Variants in EVI5 observed in about 807,000 individuals in gnomAD.
EVI5 encodes the protein ecotropic viral integration site 5 protein homolog.
EVI5 carries 73 observed loss-of-function variants against 112.0 expected under a neutral mutation model. The ratio of observed to expected loss-of-function variants is 0.65; its 90% confidence interval spans 0.54 to 0.79. The LOEUF is 0.79. Among genes scored for constraint, EVI5 ranks in the 30% least tolerant of loss-of-function variants. EVI5 has a pLI of 0.00. For synonymous variants in EVI5, 305 were observed against 319.9 expected (o/e 0.95, Z 0.50); for missense variants, 900 against 968.8 (o/e 0.93, Z 0.94).
At chr1:92,656,349 A>G (rs1050225576) in intron 13 of EVI5, among the ~76,000 whole-genome samples, 7 of 152,112 alleles carry the variant, frequency 4.6e-5, no homozygotes, top group African/African-American at 1.2e-4. Flanking sequence ...GAAACAAATG[A>G]ACATGGAGAC....
At chr1:92,581,876 CCCT>C (rs1203779194) in intron 18 of EVI5, among the ~76,000 whole-genome samples, 2 of 152,142 alleles carry the variant, frequency 1.3e-5, no homozygotes, top group Non-Finnish European at 2.9e-5. Context: ...ACTATTTTCT[CCCT>C]CCTAAAATTC....
At chr1:92,582,929 T>C (rs560592505) in intron 18 of EVI5, among the ~76,000 whole-genome samples, 21 of 152,276 alleles carry the variant, frequency 1.4e-4, no homozygotes, top group African/African-American at 5.1e-4. Flanking sequence ...TTTGACAGGA[T>C]CACTGCAGCC....
At chr1:92,590,705 G>T (rs1371621008) in intron 18 of EVI5, among the ~76,000 whole-genome samples, 4 of 152,168 alleles carry the variant, frequency 2.6e-5, no homozygotes, top group African/African-American at 9.7e-5. Context: ...TACTATCCAG[G>T]AGAACTTTCC....
At chr1:92,744,244 C>T (rs563031623) in intron 1 of EVI5, among the ~76,000 whole-genome samples, 1 of 152,110 alleles carries the variant, frequency 6.6e-6, no homozygotes, top group Non-Finnish European at 1.5e-5. Context: ...TTAATCTTGG[C>T]GAATGTTCCA....
intron 9 of EVI5, among the ~76,000 whole-genome samples, chr1:92,687,642 C>T (rs183053635): frequency 2.1e-3 from 326 of 152,286 alleles, no homozygotes; most frequent in African/African-American, 7.4e-3. Context: ...ATCTACCCAT[C>T]TGACAAAGGG....
intron 19 of EVI5, among the ~76,000 whole-genome samples, chr1:92,547,137 T>C (rs540766712): frequency 6.6e-6 from 1 of 152,282 alleles, no homozygotes; most frequent in Admixed American, 6.5e-5. Flanking sequence ...ATAGAAATTA[T>C]AACAAACTGT....
At chr1:92,624,100 G>C in intron 16 of EVI5, 76 bp downstream of exon 16, 1 of 1,289,768 alleles carries the variant, frequency 7.8e-7, no homozygotes, top group Non-Finnish European at 1.1e-6. Context: ...CTCTGTTCTA[G>C]GGATGATACA....
intron 1 of EVI5, chr1:92,756,483 TA>T: frequency 1.9e-6 from 1 of 538,378 alleles, no homozygotes; most frequent in Non-Finnish European, 3.8e-6. Context: ...CCTACAAGAC[TA>T]CATCATTACA....
At chr1:92,733,110 A>C (rs970819916) in intron 2 of EVI5, 2 of 223,442 alleles carry the variant, frequency 9.0e-6, no homozygotes, top group Non-Finnish European at 2.0e-5. Context: ...GTTGTGTCAC[A>C]TTACTTCAGG....
intron 19 of EVI5, among the ~76,000 whole-genome samples, chr1:92,544,926 C>CA (rs1363382044): frequency 6.6e-6 from 1 of 152,148 alleles, no homozygotes; most frequent in African/African-American, 2.4e-5. Flanking sequence ...AGACAGGCAG[C>CA]AAAGTAGCAC....
At chr1:92,711,654 C>CA (rs1302500573) in intron 2 of EVI5, among the ~76,000 whole-genome samples, 1 of 151,136 alleles carries the variant, frequency 6.6e-6, no homozygotes, top group Admixed American at 6.6e-5. Context: ...GACCCTGTTT[C>CA]AAAAAAAAGG....
chr1:92,712,016 T>C lies in EVI5; in HGVS notation c.150-7272A>G, dbSNP rs144749043. Among the ~76,000 whole-genome samples, 137 of 152,276 alleles carry C rather than the reference T, an allele frequency of 9.0e-4. No homozygotes were observed. In the South Asian group the frequency reaches 0.012, roughly 14 times the overall value. On this transcript the variant is annotated intron_variant, in intron 2 of 19. Transcript: ENST00000684568. ...GCAAAGGACTCCCTCAAGCCTCTTA[T>C]AACCACACTAATCCCATTTATGAGG...
At chr1:92,728,420 G>A (rs895887382) in intron 2 of EVI5, among the ~76,000 whole-genome samples, 2 of 146,606 alleles carry the variant, frequency 1.4e-5, no homozygotes, top group Admixed American at 6.9e-5. Context: ...TCGCTCTGTC[G>A]CCCAGGCTAG....
At chr1:92,677,722 G>A (rs377142406) in intron 9 of EVI5, among the ~76,000 whole-genome samples, 1 of 152,126 alleles carries the variant, frequency 6.6e-6, no homozygotes, top group African/African-American at 2.4e-5. Flanking sequence ...TAACTACTGC[G>A]GGAGGAACCA....
intron 16 of EVI5, among the ~76,000 whole-genome samples, chr1:92,612,197 T>C (rs1462217622): frequency 1.3e-5 from 2 of 150,140 alleles, no homozygotes; most frequent in East Asian, 2.0e-4. Context: ...TAGCAAACAT[T>C]AATAGAAAAC....
At chr1:92,623,509 T>C (rs1655012351) in intron 16 of EVI5, among the ~76,000 whole-genome samples, 1 of 152,218 alleles carries the variant, frequency 6.6e-6, no homozygotes, top group Admixed American at 6.5e-5. Context: ...ATGGGTTTCA[T>C]AAAAAGACCT....
At chr1:92,791,789 A>G (rs1381925702) in intron 1 of EVI5, among the ~76,000 whole-genome samples, 1 of 152,200 alleles carries the variant, frequency 6.6e-6, no homozygotes, top group Admixed American at 6.5e-5. Context: ...TATTTTAGGA[A>G]CATGATACTT....
intron 9 of EVI5, among the ~76,000 whole-genome samples, chr1:92,680,837 A>G (rs746544131): frequency 9.2e-5 from 14 of 152,290 alleles, no homozygotes; most frequent in South Asian, 2.1e-4. Flanking sequence ...AGAAAAACTC[A>G]GACTTTGAGA....
chr1:92,759,086 C>T (rs537868137), intron 1 of EVI5, among the ~76,000 whole-genome samples: 5 of 152,048 alleles, frequency 3.3e-5, no homozygotes, highest in Non-Finnish European at 7.4e-5. Flanking sequence ...AAAACTTAGC[C>T]GGGTGTGGTG....
Sources: gnomAD v4.1 joint callset for allele counts (sites outside exome capture counted in the v4.1 genomes callset) on GRCh38, gnomAD v4.1.1 for gene constraint, MANE v1.5 for transcripts, NCBI Gene and HGNC (gene_info 2026-07-23, HGNC 2026-07-21) for gene names.